PTPN4: variants seen among roughly 807,000 people sequenced by gnomAD.
The protein encoded by PTPN4 is protein tyrosine phosphatase non-receptor type 4, also known as tyrosine-protein phosphatase non-receptor type 4.
Under a neutral mutation model 135.5 loss-of-function variants are expected in PTPN4, and 49 were observed. That is an observed-to-expected ratio of 0.36 (90% CI 0.29 to 0.46). PTPN4 has a LOEUF of 0.46. Among genes scored for constraint, PTPN4 ranks in the 20% least tolerant of loss-of-function variants. The pLI, the probability that PTPN4 is intolerant of heterozygous loss-of-function variation, is 1.00. For synonymous variants in PTPN4, 333 were observed against 369.9 expected (o/e 0.90, Z 1.14); for missense variants, 860 against 1,101.0 (o/e 0.78, Z 3.10).
At chr2:119,793,182 C>T (rs541998348) in intron 1 of PTPN4, among the ~76,000 whole-genome samples, 3 of 152,300 alleles carry the variant, frequency 2.0e-5, no homozygotes, top group African/African-American at 7.2e-5. Flanking sequence ...CTGCATAAGG[C>T]AGACGCTCCC....
intron 15 of PTPN4, among the ~76,000 whole-genome samples, chr2:119,943,770 G>A (rs1306859895): frequency 6.6e-6 from 1 of 151,464 alleles, no homozygotes; most frequent in African/African-American, 2.4e-5. Flanking sequence ...TGTATTTTTA[G>A]TAGAGACAGG....
rs1679728515 is a variant in PTPN4, at chr2:119,983,902, T to G, written c.*6832T>G. Reference sequence around the variant, plus strand: ...ATTTTTTTGTGCATCACATGAATACTTAGAAATCCATTTGTTTTCAGTGTA... The same window carrying G: ...ATTTTTTTGTGCATCACATGAATACGTAGAAATCCATTTGTTTTCAGTGTA... On this transcript the variant is annotated 3_prime_UTR_variant, in exon 27 of 27. Transcript: ENST00000263708. The G allele has an allele frequency of 1.3e-5, 2 of 152,210 alleles. No individual in the cohort carries two copies. Among genetic ancestry groups the G allele is most frequent in the South Asian group, 4.1e-4 (2 of 4,836 alleles). 9.4% of individuals were successfully genotyped at this position (152,210 alleles called of 1,614,324 possible).
intron 24 of PTPN4, 65 bp downstream of exon 24, chr2:119,962,809 A>G (rs886547596): frequency 1.6e-6 from 2 of 1,276,688 alleles, no homozygotes; most frequent in African/African-American, 3.0e-5. Context: ...AAAGCTGAAA[A>G]TGTTTTTAGT....
At chr2:119,958,780 C>G (rs977386491) in intron 22 of PTPN4, among the ~76,000 whole-genome samples, 1 of 152,118 alleles carries the variant, frequency 6.6e-6, no homozygotes, top group Non-Finnish European at 1.5e-5. Context: ...AGTGCTGATT[C>G]ATTAACATTT....
At chr2:119,856,880 A>G (rs1677688850) in intron 2 of PTPN4, among the ~76,000 whole-genome samples, 1 of 152,292 alleles carries the variant, frequency 6.6e-6, no homozygotes, top group Admixed American at 6.5e-5. Context: ...GAATGTAGCA[A>G]TTCCTGCAGG....
chr2:119,949,524 G>A (rs1168415769), intron 18 of PTPN4, among the ~76,000 whole-genome samples: 9 of 152,030 alleles, frequency 5.9e-5, no homozygotes, highest in East Asian at 1.9e-4. Context: ...GCCAAAAGCC[G>A]TTGCTGCAAC....
chr2:119,934,532 C>CG (rs891140200), intron 14 of PTPN4, among the ~76,000 whole-genome samples: 42 of 152,234 alleles, frequency 2.8e-4, no homozygotes, highest in African/African-American at 1.0e-3. Flanking sequence ...ATCATAGTGA[C>CG]TAACACCTAG....
intron 2 of PTPN4, among the ~76,000 whole-genome samples, chr2:119,838,450 C>T (rs1677328783): frequency 6.6e-6 from 1 of 152,214 alleles, no homozygotes; most frequent in Non-Finnish European, 1.5e-5. Context: ...ATACTACCTT[C>T]CAAAGTATTT....
rs993033698 is a variant in PTPN4 at position 119,980,751 on chromosome 2, A to G, written c.*3681A>G. 5 of 151,890 alleles carry G rather than the reference A, an allele frequency of 3.3e-5. No homozygotes were observed. Among genetic ancestry groups the G allele is most frequent in the African/African-American group, 1.2e-4 (5 of 41,394 alleles). 9.4% of individuals were successfully genotyped at this position (151,890 alleles called of 1,614,324 possible). On this transcript the variant is annotated 3_prime_UTR_variant, in exon 27 of 27. Coordinates refer to ENST00000263708, the MANE Select transcript of PTPN4 (RefSeq NM_002830.4). The stretch of plus-strand genomic sequence containing the variant: ...AGAAGTGATTCTAATTAGGACCCCC[A>G]CTCAGTTTGCTAGTCATGCCTGCCT...
At chr2:119,843,238 T>G (rs1677409352) in intron 2 of PTPN4, among the ~76,000 whole-genome samples, 1 of 123,410 alleles carries the variant, frequency 8.1e-6, no homozygotes, top group Non-Finnish European at 1.7e-5. Context: ...TTTTTTTTTT[T>G]GCACCGCCCT....
chr2:119,919,198 A>T (rs1254561015), intron 11 of PTPN4, among the ~76,000 whole-genome samples: 1 of 152,170 alleles, frequency 6.6e-6, no homozygotes. Context: ...TGGGATGTGA[A>T]TGTTGCTATA....
chr2:119,812,941 G>T (rs1676922570), intron 2 of PTPN4, among the ~76,000 whole-genome samples: 1 of 152,180 alleles, frequency 6.6e-6, no homozygotes, highest in Admixed American at 6.5e-5. Flanking sequence ...GAAGGGCTGG[G>T]AGGACCAGCC....
chr2:119,809,910 G>A lies in PTPN4; in HGVS notation c.57G>A (p.Glu19=). Residue 19 remains glutamate, a synonymous_variant, in exon 2 of 27, where the codon GAG becomes GAA. Coordinates refer to ENST00000263708, the MANE Select transcript of PTPN4 (RefSeq NM_002830.4). ...GAACCTACAATGTACGAGCATCAGA[G>A]TTGGCCCGAGACAGACAGCATACTG... ...AGRTYNVRAS[E]LARDRQHTEV... is the part of the protein sequence containing the mutation. 2 of 1,613,534 alleles carry A rather than the reference G, an allele frequency of 1.2e-6. No individual in the cohort carries two copies. Among genetic ancestry groups the A allele is most frequent in the Non-Finnish European group, 1.7e-6 (2 of 1,179,824 alleles).
At chr2:119,820,751 C>T (rs1677054116) in intron 2 of PTPN4, among the ~76,000 whole-genome samples, 1 of 151,976 alleles carries the variant, frequency 6.6e-6, no homozygotes, top group African/African-American at 2.4e-5. Flanking sequence ...TGAGTCTTTG[C>T]CCTTATTATT....
rs550908562 is a variant in PTPN4 at position 119,958,141 on chromosome 2, T to C, written c.2133+1064T>C. On this transcript the variant is annotated intron_variant, in intron 22 of 26. Transcript: ENST00000263708. The stretch of plus-strand genomic sequence containing the variant: ...AAGAAAAGTAAGCCTCGGCAACATA[T>C]TGAGACCCCATTTCTCGAATAAAAA... Among the ~76,000 whole-genome samples the C allele has an allele frequency of 3.9e-5, 6 of 151,920 alleles. No homozygotes were observed. In the South Asian group the frequency reaches 1.2e-3, roughly 32 times the overall value.
intron 2 of PTPN4, among the ~76,000 whole-genome samples, chr2:119,831,800 C>G (rs1158234911): frequency 6.6e-6 from 1 of 152,014 alleles, no homozygotes; most frequent in African/African-American, 2.4e-5. Context: ...ATATACTCTG[C>G]CAATATTTGA....
At chr2:119,785,758 G>C (rs1390492361) in intron 1 of PTPN4, among the ~76,000 whole-genome samples, 2 of 152,086 alleles carry the variant, frequency 1.3e-5, no homozygotes, top group East Asian at 3.9e-4. Context: ...CTACGTGTGT[G>C]AGAGAATGAG....
intron 19 of PTPN4, 60 bp downstream of exon 19, chr2:119,952,189 C>T (rs72952815): frequency 1.4e-6 from 2 of 1,418,986 alleles, no homozygotes; most frequent in African/African-American, 2.9e-5. Context: ...CATTACTGAG[C>T]ACAGCAGCCA....
At chr2:119,795,501 A>T (rs528397809) in intron 1 of PTPN4, among the ~76,000 whole-genome samples, 1 of 152,352 alleles carries the variant, frequency 6.6e-6, no homozygotes, top group South Asian at 2.1e-4. Context: ...CTGGCATGTC[A>T]GTACTGCTTC....
Sources: gnomAD v4.1 joint callset for allele counts (sites outside exome capture counted in the v4.1 genomes callset) on GRCh38, gnomAD v4.1.1 for gene constraint, MANE v1.5 for transcripts, NCBI Gene and HGNC (gene_info 2026-07-23, HGNC 2026-07-21) for gene names.